Variants in SORCS3 observed in about 807,000 individuals in gnomAD.
SORCS3 encodes sortilin related VPS10 domain containing receptor 3, also known as VPS10 domain-containing receptor SorCS3.
A neutral mutation model predicts 146.3 loss-of-function variants in SORCS3; 57 were observed. The observed-to-expected ratio is 0.39, with a 90% CI of 0.31 to 0.49. The LOEUF (loss-of-function observed/expected upper bound fraction) is 0.49, where lower values mean the gene tolerates loss of function less well. SORCS3 is among the 20% of genes least tolerant of loss of function. SORCS3 has a pLI of 0.92. For missense variants in SORCS3, 1,341 were observed against 1,575.5 expected, an observed-to-expected ratio of 0.85 and a Z score of 2.52; for synonymous variants, 653 against 618.5, an observed-to-expected ratio of 1.06 and a Z score of -0.83.
intron 3 of SORCS3, among the ~76,000 whole-genome samples, chr10:104,945,775 T>C (rs2019364448): frequency 6.7e-6 from 1 of 149,688 alleles, no homozygotes; most frequent in Non-Finnish European, 1.5e-5. Context: ...TGCACACACA[T>C]ACACAATACC....
At chr10:104,696,661 TATATAATATATAACATATATA>T (rs2016214294) in intron 1 of SORCS3, among the ~76,000 whole-genome samples, 3 of 9,938 alleles carry the variant, frequency 3.0e-4, no homozygotes, top group African/African-American at 7.9e-4. Flanking sequence ...TATATACGTA[TATATAATATATAACATATATA>T]ATATATAATA....
chr10:105,143,038 T>C (rs1377125154), intron 8 of SORCS3, among the ~76,000 whole-genome samples: 1 of 152,164 alleles, frequency 6.6e-6, no homozygotes, highest in Non-Finnish European at 1.5e-5. Context: ...CTTTTCTTAC[T>C]CCCTATTCTC....
intron 1 of SORCS3, among the ~76,000 whole-genome samples, chr10:104,702,767 A>ATGAT (rs753408120): frequency 6.6e-6 from 1 of 152,206 alleles, no homozygotes; most frequent in Non-Finnish European, 1.5e-5. Flanking sequence ...GTGAAATGGC[A>ATGAT]CTAGACAAAT....
At chr10:104,844,431 G>C (rs2018181267) in intron 2 of SORCS3, among the ~76,000 whole-genome samples, 1 of 152,124 alleles carries the variant, frequency 6.6e-6, no homozygotes, top group Non-Finnish European at 1.5e-5. Context: ...ATTTCTAGGA[G>C]CAGGCTAGGC....
chr10:105,224,352 A>T (rs1179341088), intron 20 of SORCS3, among the ~76,000 whole-genome samples: 1 of 152,194 alleles, frequency 6.6e-6, no homozygotes, highest in East Asian at 1.9e-4. Flanking sequence ...CACTGTTTTC[A>T]TATTGGCTTC....
At position 105,265,139 on chromosome 10, in the gene SORCS3, T is replaced by C. The variant is rs1227124296; in HGVS notation, c.*1765T>C. 6.6e-6 allele frequency: 1 copy of C among 152,652 alleles called. No homozygotes were observed. The highest frequency in any genetic ancestry group is 2.1e-4 in the South Asian group (1 of 4,832). The allele number at this position is 152,652 out of a possible 1,614,324, so 9.5% of individuals were successfully genotyped here. On this transcript the variant is annotated 3_prime_UTR_variant, in exon 27 of 27. Transcript: ENST00000369701. ...TCTATATATACAGTATATGTACATATACTGTTCTTGGTTTTATTGTTCCAC... is the reference window on the plus strand; with the variant it reads ...TCTATATATACAGTATATGTACATACACTGTTCTTGGTTTTATTGTTCCAC...
At chr10:104,988,480 A>C (rs1300026102) in intron 4 of SORCS3, among the ~76,000 whole-genome samples, 1 of 152,190 alleles carries the variant, frequency 6.6e-6, no homozygotes, top group East Asian at 1.9e-4. Flanking sequence ...TGCCTCAAGC[A>C]AAAAATAAAC....
At chr10:104,694,525 TC>T (rs2016151089) in intron 1 of SORCS3, among the ~76,000 whole-genome samples, 1 of 151,974 alleles carries the variant, frequency 6.6e-6, no homozygotes, top group African/African-American at 2.4e-5. Flanking sequence ...GCTAAGCTTC[TC>T]CCTAGGAACT....
chr10:104,927,708 G>T (rs986707423), intron 3 of SORCS3, among the ~76,000 whole-genome samples: 4 of 139,694 alleles, frequency 2.9e-5, no homozygotes, highest in African/African-American at 1.2e-4. Flanking sequence ...GTGAAACCAA[G>T]TCTCTACTAA....
intron 23 of SORCS3, among the ~76,000 whole-genome samples, chr10:105,254,087 C>T (rs1353276777): frequency 1.3e-5 from 2 of 152,166 alleles, no homozygotes; most frequent in Non-Finnish European, 2.9e-5. Context: ...GTGATTAAAT[C>T]GATGTTATGT....
chr10:105,095,573 C>T (rs1293756465), intron 6 of SORCS3, among the ~76,000 whole-genome samples: 1 of 152,098 alleles, frequency 6.6e-6, no homozygotes, highest in African/African-American at 2.4e-5. Flanking sequence ...GAATGACTCT[C>T]CAAGCCCTGG....
intron 3 of SORCS3, among the ~76,000 whole-genome samples, chr10:104,963,932 C>T (rs1422103133): frequency 6.6e-6 from 1 of 152,168 alleles, no homozygotes; most frequent in Non-Finnish European, 1.5e-5. Flanking sequence ...CACTCTACAT[C>T]TAATCTGTAA....
At chr10:104,886,803 A>T (rs536644074) in intron 2 of SORCS3, among the ~76,000 whole-genome samples, 1 of 152,192 alleles carries the variant, frequency 6.6e-6, no homozygotes, top group East Asian at 1.9e-4. Context: ...TCCTTTATTG[A>T]TGGGGACAAT....
intron 3 of SORCS3, among the ~76,000 whole-genome samples, chr10:104,925,641 T>A (rs774036750): frequency 6.6e-6 from 1 of 152,224 alleles, no homozygotes; most frequent in African/African-American, 2.4e-5. Flanking sequence ...TTTTCATTTT[T>A]AAATCTTGAA....
At chr10:104,822,051 C>T (rs540333193) in intron 1 of SORCS3, 26 of 516,160 alleles carry the variant, frequency 5.0e-5, no homozygotes, top group East Asian at 2.7e-4. Flanking sequence ...CATTTGTTTC[C>T]ACCCCTTATT....
In SORCS3 at chr10:104,702,568, G is replaced by A. The variant is rs563089251; in HGVS notation, c.627+60614G>A. On this transcript the variant is annotated intron_variant, in intron 1 of 26. Coordinates refer to ENST00000369701, the MANE Select transcript of SORCS3 (RefSeq NM_014978.3). ...CTTCCAAAGTGCTGGAATTACAGGC[G>A]TGAACCACCGTGCCTGGCAGGATAC... 7.9e-5 allele frequency among the ~76,000 whole-genome samples: 12 copies of A among 152,290 alleles called. 1 individual carries two copies. In the South Asian group the frequency reaches 1.7e-3, roughly 21 times the overall value.
At chr10:104,856,572 TC>T (rs1261284820) in intron 2 of SORCS3, among the ~76,000 whole-genome samples, 1 of 114,058 alleles carries the variant, frequency 8.8e-6, no homozygotes, top group Non-Finnish European at 1.6e-5. Flanking sequence ...ATTTGTGTAT[TC>T]ACATGTATAT....
At chr10:105,238,233 G>A (rs1311756798) in intron 20 of SORCS3, among the ~76,000 whole-genome samples, 2 of 152,194 alleles carry the variant, frequency 1.3e-5, no homozygotes, top group African/African-American at 4.8e-5. Context: ...CCTGTCGTTT[G>A]TGCTACATGT....
At chr10:105,020,113 A>G (rs779834939) in intron 4 of SORCS3, among the ~76,000 whole-genome samples, 2 of 152,122 alleles carry the variant, frequency 1.3e-5, no homozygotes, top group Non-Finnish European at 2.9e-5. Flanking sequence ...TTCACTCTCT[A>G]GGAAATCCAC....
Sources: allele counts gnomAD v4.1 joint callset (sites outside exome capture counted in the v4.1 genomes callset), GRCh38; gene constraint gnomAD v4.1.1; transcripts MANE v1.5; gene names NCBI Gene and HGNC (gene_info 2026-07-23, HGNC 2026-07-21).